Variants in NTNG2 observed in about 807,000 individuals in gnomAD.
NTNG2 encodes netrin-G2.
A neutral mutation model predicts 47.6 loss-of-function variants in NTNG2; 15 were observed. The observed-to-expected ratio is 0.32, with a 90% CI of 0.21 to 0.49. NTNG2 has a LOEUF of 0.49. NTNG2 is among the 20% of genes least tolerant of loss of function. The pLI is 0.99. For synonymous variants in NTNG2, 307 were observed against 324.6 expected, an observed-to-expected ratio of 0.95 and a Z score of 0.58; for missense variants, 578 against 764.6, an observed-to-expected ratio of 0.76 and a Z score of 2.88.
intron 2 of NTNG2, among the ~76,000 whole-genome samples, chr9:132,192,317 G>A (rs1243070326): frequency 6.6e-6 from 1 of 152,222 alleles, no homozygotes; most frequent in Non-Finnish European, 1.5e-5. Context: ...AGGTCCAGGT[G>A]CAATGGCTCA....
intron 2 of NTNG2, among the ~76,000 whole-genome samples, chr9:132,172,786 G>A (rs961147595): frequency 7.1e-6 from 1 of 140,792 alleles, no homozygotes; most frequent in African/African-American, 2.7e-5. Context: ...CTGGAGTGCA[G>A]CGGCGCAATC....
At chr9:132,239,073 C>G in intron 5 of NTNG2, 31 bp from the exon 6 acceptor site, 1 of 1,604,872 alleles carries the variant, frequency 6.2e-7, no homozygotes, top group Non-Finnish European at 8.5e-7. Flanking sequence ...GCTCGCTGAC[C>G]ATTGGTATTT....
At chr9:132,179,615 G>A (rs903103014) in intron 2 of NTNG2, among the ~76,000 whole-genome samples, 2 of 152,212 alleles carry the variant, frequency 1.3e-5, no homozygotes, top group Admixed American at 6.5e-5. Flanking sequence ...TGGGGCACAC[G>A]TGCTTCCGTA....
chr9:132,198,429 A>C lies in NTNG2; in HGVS notation c.677A>C (p.Asp226Ala). Residue 226 changes from aspartate (D) to alanine (A), a missense_variant, in exon 3 of 8, where the codon GAC (aspartate) becomes GCC (alanine). By Grantham distance (126) the Asp-to-Ala change is moderately radical. Transcript: ENST00000393229. Reference sequence around the variant, plus strand: ...CGCTTCGCCATCTTTGCCGGCCCCGACCTGCGCAACATGGACAACCTCTAC... The same window carrying C: ...CGCTTCGCCATCTTTGCCGGCCCCGCCCTGCGCAACATGGACAACCTCTAC... The part of the protein sequence containing the change: ...RDRFAIFAGP[D>A]LRNMDNLYTR... 1 of 1,613,096 alleles carries C rather than the reference A, an allele frequency of 6.2e-7. No individual in the cohort carries two copies. The highest frequency in any genetic ancestry group is 8.5e-7 in the Non-Finnish European group (1 of 1,179,976).
chr9:132,210,081 C>T (rs958127455), intron 3 of NTNG2, among the ~76,000 whole-genome samples: 15 of 152,114 alleles, frequency 9.9e-5, no homozygotes, highest in African/African-American at 3.4e-4. Context: ...CCATGTCCAT[C>T]TTGACAACCC....
At chr9:132,228,855 G>A (rs1840987651) in intron 4 of NTNG2, among the ~76,000 whole-genome samples, 1 of 152,142 alleles carries the variant, frequency 6.6e-6, no homozygotes, top group African/African-American at 2.4e-5. Context: ...ACCACGTCTG[G>A]CCATGTCTGG....
chr9:132,178,267 G>A (rs1003165107), intron 2 of NTNG2, among the ~76,000 whole-genome samples: 3 of 152,016 alleles, frequency 2.0e-5, no homozygotes, highest in Middle Eastern at 6.3e-3. Flanking sequence ...AGGGTCCTTG[G>A]AAGGAGATGC....
chr9:132,186,149 C>G (rs1416240359), intron 2 of NTNG2, among the ~76,000 whole-genome samples: 1 of 152,190 alleles, frequency 6.6e-6, no homozygotes, highest in Admixed American at 6.5e-5. Context: ...GGGGTTTCAC[C>G]TATCTGCCTT....
rs2130979476 is a variant in NTNG2 at position 132,231,841 on chromosome 9, GC to G, written c.1054+1248del. The G allele has an allele frequency of 6.3e-6, 1 of 157,796 alleles. No individual in the cohort carries two copies. The highest frequency in any genetic ancestry group is 1.4e-5 in the Non-Finnish European group (1 of 71,010). The allele number at this position is 157,796 out of a possible 1,614,324, so 9.8% of individuals were successfully genotyped here. On this transcript the variant is annotated intron_variant, in intron 5 of 7. Transcript: ENST00000393229. This position sits in a 1 kb window ranked among gnomAD's most constrained non-coding sequence, Gnocchi z 4.1. The stretch of plus-strand genomic sequence containing the variant: ...GTCATCCCACCCTCTCCTGCTTCTA[GC>G]CTGGGTCCCTGCCTCTCTTGGGGTG...
At chr9:132,195,476 T>TG (rs1213597803) in intron 2 of NTNG2, among the ~76,000 whole-genome samples, 11 of 52,624 alleles carry the variant, frequency 2.1e-4, no homozygotes, top group African/African-American at 1.7e-3. Flanking sequence ...GCCTGGCTAT[T>TG]TTTTTTTTTT....
At chr9:132,165,246 C>T (rs1436884548) in intron 1 of NTNG2, among the ~76,000 whole-genome samples, 1 of 152,190 alleles carries the variant, frequency 6.6e-6, no homozygotes, top group African/African-American at 2.4e-5. Context: ...CACAGTACTG[C>T]AGTCGTGTTA....
At chr9:132,234,643 T>C (rs1284758347) in intron 5 of NTNG2, among the ~76,000 whole-genome samples, 1 of 152,230 alleles carries the variant, frequency 6.6e-6, no homozygotes, top group Non-Finnish European at 1.5e-5. Flanking sequence ...AGGACAGCGC[T>C]GCGGGCGGAA....
At chr9:132,177,115 T>C (rs944266566) in intron 2 of NTNG2, among the ~76,000 whole-genome samples, 10 of 152,174 alleles carry the variant, frequency 6.6e-5, no homozygotes, top group African/African-American at 2.2e-4. Context: ...AGCTCCCAAG[T>C]AGCTGGGATT....
intron 2 of NTNG2, among the ~76,000 whole-genome samples, chr9:132,179,821 C>G (rs1018538374): frequency 3.3e-5 from 5 of 152,224 alleles, no homozygotes; most frequent in Non-Finnish European, 5.9e-5. Flanking sequence ...CGTCACTGTC[C>G]TGTCCTGCCT....
intron 3 of NTNG2, among the ~76,000 whole-genome samples, chr9:132,205,110 G>T (rs1010252879): frequency 2.6e-5 from 4 of 152,116 alleles, no homozygotes; most frequent in African/African-American, 9.7e-5. Flanking sequence ...CCGCTCCTAG[G>T]TATAGACCCA....
At position 132,240,732 on chromosome 9, in the gene NTNG2, C is replaced by T. The variant is rs1841920982; in HGVS notation, c.1223-178C>T. On this transcript the variant is annotated intron_variant, in intron 6 of 7. Coordinates refer to ENST00000393229, the MANE Select transcript of NTNG2 (RefSeq NM_032536.4). Reference sequence around the variant, plus strand: ...AGGAAGCCAGAGTCTTCTCTCCAGGCCTGGCCACCCTGGGAAGTCCCCACC... The same window carrying T: ...AGGAAGCCAGAGTCTTCTCTCCAGGTCTGGCCACCCTGGGAAGTCCCCACC... 6.0e-6 allele frequency: 5 copies of T among 834,028 alleles called. No individual in the cohort carries two copies. In the East Asian group the frequency reaches 1.3e-4, roughly 22 times the overall value. 51.7% of individuals were successfully genotyped at this position (834,028 alleles called of 1,614,324 possible).
rs985973088 is a variant in NTNG2, at chr9:132,163,399, C to G, written c.-484+1160C>G. ...GGACCCAGGGGCCGGATAAAGGGCC[C>G]GCTCCGGAGCGGGGGGACACCCGGG... On this transcript the variant is annotated intron_variant, in intron 1 of 7. Coordinates refer to ENST00000393229, the MANE Select transcript of NTNG2 (RefSeq NM_032536.4). The surrounding 1 kb of genome is among the most constrained non-coding windows in gnomAD (Gnocchi z 7.2). Among the ~76,000 whole-genome samples, 1 of 151,478 alleles carries G rather than the reference C, an allele frequency of 6.6e-6. No homozygotes were observed. Among genetic ancestry groups the G allele is most frequent in the Admixed American group, 6.6e-5 (1 of 15,248 alleles).
intron 2 of NTNG2, among the ~76,000 whole-genome samples, chr9:132,174,876 C>T (rs886086353): frequency 6.6e-6 from 1 of 151,178 alleles, no homozygotes; most frequent in East Asian, 1.9e-4. Context: ...GAACTGAGAT[C>T]GTCCCACTGC....
chr9:132,199,132 C>A (rs1411505321), intron 3 of NTNG2, among the ~76,000 whole-genome samples: 1 of 152,068 alleles, frequency 6.6e-6, no homozygotes, highest in Non-Finnish European at 1.5e-5. Flanking sequence ...GTGCACATGT[C>A]GGAGGAAGGA....
Sources: allele counts gnomAD v4.1 joint callset (sites outside exome capture counted in the v4.1 genomes callset), GRCh38; gene constraint gnomAD v4.1.1; non-coding constraint Gnocchi (gnomAD v3.1); transcripts MANE v1.5; gene names NCBI Gene and HGNC (gene_info 2026-07-23, HGNC 2026-07-21).